Variants in SH3GLB2 observed in about 807,000 individuals in gnomAD.
SH3GLB2 encodes the protein SH3 domain containing GRB2 like, endophilin B2.
Under a neutral mutation model 48.0 loss-of-function variants are expected in SH3GLB2, and 24 were observed. That is an observed-to-expected ratio of 0.50 (90% CI 0.36 to 0.70). SH3GLB2 has a LOEUF of 0.70. Among genes scored for constraint, SH3GLB2 ranks in the 30% least tolerant of loss-of-function variants. The probability of loss-of-function intolerance (pLI) is 0.00; values close to 1 mark genes in which losing one functional copy is unlikely to be tolerated. For missense variants in SH3GLB2, 425 were observed against 516.0 expected (o/e 0.82, Z 1.71); for synonymous variants, 227 against 207.6 (o/e 1.09, Z -0.80).
rs1416522974 is a variant in SH3GLB2, at chr9:129,014,033, TGA to T, written c.561+376_561+377del. 2.1e-6 allele frequency: 1 copy of T among 483,466 alleles called. No homozygotes were observed. Among genetic ancestry groups the T allele is most frequent in the Non-Finnish European group, 4.1e-6 (1 of 245,424 alleles). The allele number at this position is 483,466 out of a possible 1,614,324, so 29.9% of individuals were successfully genotyped here. On this transcript the variant is annotated intron_variant, in intron 5 of 10. Transcript: ENST00000372564. This position sits in a 1 kb window ranked among gnomAD's most constrained non-coding sequence, Gnocchi z 4.1. ...CGCCTGAGCACAGGGACCCTCGGCC[TGA>T]CGTTCAAGCAGCAAGTAGTAGAGTT...
chr9:129,007,447 C>CCAA lies in SH3GLB2; in HGVS notation c.*1234_*1236dup, dbSNP rs900432640. The CCAA allele has an allele frequency of 6.6e-6, 1 of 152,180 alleles. No homozygotes were observed. The highest frequency in any genetic ancestry group is 2.4e-5 in the African/African-American group (1 of 41,430). The allele number at this position is 152,180 out of a possible 1,614,324, so 9.4% of individuals were successfully genotyped here. A position where few individuals can be genotyped will look rare whatever the true frequency, so the allele number is the denominator to read the frequency against. On this transcript the variant is annotated 3_prime_UTR_variant, in exon 11 of 11. Coordinates refer to ENST00000372564, the MANE Select transcript of SH3GLB2 (RefSeq NM_020145.4). ...TCCCCCGATCCCCTCTTCAGAAGCC[C>CCAA]CAACAGTGGGGCCTACTGGCTGTTG... is the stretch of plus-strand genomic sequence containing the variant.
At chr9:129,019,017 T>C (rs1843620946) in intron 3 of SH3GLB2, among the ~76,000 whole-genome samples, 1 of 151,896 alleles carries the variant, frequency 6.6e-6, no homozygotes. Flanking sequence ...ACGTTAGTGG[T>C]TGGCTGGCTG....
rs1489543528 is a variant in SH3GLB2, at chr9:129,009,205, C to T, written c.981G>A (p.Leu327=). The change falls in exon 10 of 11, where the codon CTG becomes CTA. Residue 327 remains leucine (L), a synonymous_variant. Coordinates refer to ENST00000372564, the MANE Select transcript of SH3GLB2 (RefSeq NM_020145.4). ...CACTGGCAGGGGGGGCCACCTCTTC[C>T]AGGCAGAGCGAGGCCTCCCCCGGAG... ...LAPPGEASLC[L]EEVAPPASGT... 1.9e-6 allele frequency: 3 copies of T among 1,609,680 alleles called. No homozygotes were observed. Among genetic ancestry groups the T allele is most frequent in the Middle Eastern group, 1.7e-4 (1 of 6,048 alleles).
rs752323867 is a variant in SH3GLB2 at position 129,010,697 on chromosome 9, T to A, written c.625-4A>T. The A allele has an allele frequency of 6.2e-7, 1 of 1,613,742 alleles. No homozygotes were observed. ...TGTCCACTTCATCATTCCAGAGCTG[T>A]GGAGACGGCAGCAGGAGTGGCCAGC... On this transcript the variant is annotated splice_polypyrimidine_tract_variant and splice_region_variant and intron_variant, in intron 6 of 10. Coordinates refer to ENST00000372564, the MANE Select transcript of SH3GLB2 (RefSeq NM_020145.4).
chr9:129,019,946 G>A (rs886768887), intron 3 of SH3GLB2, among the ~76,000 whole-genome samples: 5 of 151,726 alleles, frequency 3.3e-5, no homozygotes, highest in East Asian at 1.9e-4. Flanking sequence ...GCTCATGCCC[G>A]TAATCCCAGC....
At chr9:129,008,849 G>T in intron 10 of SH3GLB2, 58 bp from the exon 11 acceptor site, 1 of 1,500,772 alleles carries the variant, frequency 6.7e-7, no homozygotes, top group South Asian at 1.1e-5. Context: ...ACTGGCCCCA[G>T]GACTAAGTGG....
intron 5 of SH3GLB2, chr9:129,012,831 A>T: frequency 1.5e-6 from 1 of 677,592 alleles, no homozygotes. Context: ...GCTGACTCAC[A>T]GGCCCCAACG....
rs57505648 is a variant in SH3GLB2 at position 129,016,342 on chromosome 9, T to TAA, written c.335-1440_335-1439dup. On this transcript the variant is annotated intron_variant, in intron 3 of 10. Coordinates refer to ENST00000372564, the MANE Select transcript of SH3GLB2 (RefSeq NM_020145.4). ...TGGGCAACAAGAGCAAGACTGTCTT[T>TAA]AAAAAAAAAAAAAAAAAAAAAAAAA... Among the ~76,000 whole-genome samples, 243 of 33,956 alleles carry TAA rather than the reference T, an allele frequency of 7.2e-3. 2 individuals carry two copies. The highest frequency in any genetic ancestry group is 0.015 in the East Asian group (20 of 1,316). The allele number at this position is 33,956 out of a possible 152,430, so 22.3% of individuals were successfully genotyped here.
intron 1 of SH3GLB2, among the ~76,000 whole-genome samples, chr9:129,027,786 G>A (rs1844247901): frequency 1.3e-5 from 2 of 152,228 alleles, no homozygotes; most frequent in African/African-American, 4.8e-5. Flanking sequence ...CAGGGAGGTA[G>A]CACCCAGCCG....
At chr9:129,018,526 A>G (rs1486461939) in intron 3 of SH3GLB2, among the ~76,000 whole-genome samples, 33 of 151,212 alleles carry the variant, frequency 2.2e-4, no homozygotes, top group African/African-American at 4.9e-5. Flanking sequence ...GCAGTGAGCC[A>G]AGATTGCGCC....
At chr9:129,023,425 C>T (rs1843944779) in intron 1 of SH3GLB2, among the ~76,000 whole-genome samples, 1 of 152,160 alleles carries the variant, frequency 6.6e-6, no homozygotes, top group African/African-American at 2.4e-5. Context: ...GACACCAAGG[C>T]CTTCTCTAGC....
At position 129,014,910 on chromosome 9, in the gene SH3GLB2, A is replaced by G; in HGVS notation, c.335-6T>C. ...CACCTTGATCAGTGTCTTCCCTGAG[A>G]AAACAGAGTTGAAGCGTGAGGAAGA... On this transcript the variant is annotated splice_region_variant and splice_polypyrimidine_tract_variant and intron_variant, in intron 3 of 10. Coordinates refer to ENST00000372564, the MANE Select transcript of SH3GLB2 (RefSeq NM_020145.4). This position sits in a 1 kb window ranked among gnomAD's most constrained non-coding sequence, Gnocchi z 4.1. The G allele has an allele frequency of 6.2e-7, 1 of 1,613,072 alleles. No homozygotes were observed. Among genetic ancestry groups the G allele is most frequent in the Non-Finnish European group, 8.5e-7 (1 of 1,179,500 alleles).
At chr9:129,025,619 A>AAGGAAGGC (rs1330264311) in intron 1 of SH3GLB2, among the ~76,000 whole-genome samples, 4 of 148,390 alleles carry the variant, frequency 2.7e-5, no homozygotes, top group South Asian at 2.1e-4. Context: ...GGGAGGAAGG[A>AAGGAAGGC]AGGAAGGCAG....
intron 3 of SH3GLB2, chr9:129,015,886 A>G (rs1843391204): frequency 3.1e-6 from 1 of 318,016 alleles, no homozygotes; most frequent in Non-Finnish European, 6.4e-6. Context: ...AGAAAAGAAA[A>G]GAAAAAACAT....
At chr9:129,009,725 T>A (rs1842991749) in intron 9 of SH3GLB2, 46 bp downstream of exon 9, 6 of 1,549,742 alleles carry the variant, frequency 3.9e-6, no homozygotes, top group Non-Finnish European at 3.5e-6. Flanking sequence ...GGACAGGGTA[T>A]GGGAGCCAGG....
In SH3GLB2 at chr9:129,014,805, C is replaced by T. The variant is rs942170575; in HGVS notation, c.434G>A (p.Arg145His). Residue 145 changes from arginine to histidine, a missense_variant, in exon 4 of 11, where the codon CGC becomes CAC. Arg to His is a conservative substitution (Grantham distance 29). Coordinates refer to ENST00000372564, the MANE Select transcript of SH3GLB2 (RefSeq NM_020145.4). The surrounding 1 kb of genome is among the most constrained non-coding windows in gnomAD (Gnocchi z 4.1). ...TASISFLTPL[R>H]NFLEGDWKTI... Reference sequence around the variant, plus strand: ...CTTCCAGTCCCCCTCCAGGAAGTTGCGCAAGGGTGTGAGGAAGCTGATGGA... The same window carrying T: ...CTTCCAGTCCCCCTCCAGGAAGTTGTGCAAGGGTGTGAGGAAGCTGATGGA... The T allele has an allele frequency of 5.0e-6, 8 of 1,613,728 alleles. No homozygotes were observed. The highest frequency in any genetic ancestry group is 6.8e-6 in the Non-Finnish European group (8 of 1,179,946).
intron 3 of SH3GLB2, among the ~76,000 whole-genome samples, chr9:129,020,611 T>C (rs1308290897): frequency 2.0e-5 from 3 of 150,830 alleles, no homozygotes; most frequent in Admixed American, 6.6e-5. Flanking sequence ...CTCACGCCTG[T>C]AATCCCAGCA....
intron 2 of SH3GLB2, 31 bp downstream of exon 2, chr9:129,022,251 T>A: frequency 6.2e-7 from 1 of 1,608,914 alleles, no homozygotes; most frequent in South Asian, 1.1e-5. Flanking sequence ...CACGACTACA[T>A]CCCTCCCCGG....
Position 129,012,266 on chromosome 9 carries a change from A to G in SH3GLB2, c.594T>C (p.Arg198=). Residue 198 remains arginine, a synonymous_variant, in exon 6 of 11, where the codon CGT becomes CGC. Transcript: ENST00000372564. ...TVPDFQETRP[R]NYILSASASA... Reference sequence around the variant, plus strand: ...AGGCGCTGGCCGAGAGAATGTAATTACGAGGTCTAGTCTCCTGAAAGTCAG... The same window carrying G: ...AGGCGCTGGCCGAGAGAATGTAATTGCGAGGTCTAGTCTCCTGAAAGTCAG... 7.7e-7 allele frequency: 1 copy of G among 1,302,020 alleles called. No homozygotes were observed. 80.7% of individuals were successfully genotyped at this position (1,302,020 alleles called of 1,614,324 possible). A position where few individuals can be genotyped will look rare whatever the true frequency, so the allele number is the denominator to read the frequency against.
Sources: gnomAD v4.1 joint callset for allele counts (sites outside exome capture counted in the v4.1 genomes callset) on GRCh38, gnomAD v4.1.1 for gene constraint, Gnocchi (gnomAD v3.1) non-coding constraint, MANE v1.5 for transcripts, NCBI Gene and HGNC (gene_info 2026-07-23, HGNC 2026-07-21) for gene names.